The following GABRB1 variants were observed in gnomAD, a reference collection of about 807,000 sequenced individuals.
GABRB1 encodes gamma-aminobutyric acid type A receptor subunit beta1.
Under a neutral mutation model 51.6 loss-of-function variants are expected in GABRB1, and 17 were observed. The observed-to-expected ratio is 0.33, with a 90% CI of 0.23 to 0.49. The LOEUF (loss-of-function observed/expected upper bound fraction) is 0.49. Among genes scored for constraint, GABRB1 ranks in the 20% least tolerant of loss-of-function variants. The pLI is 0.99. For missense variants in GABRB1, 410 were observed against 600.6 expected, an observed-to-expected ratio of 0.68 and a Z score of 3.32; for synonymous variants, 247 against 218.9, an observed-to-expected ratio of 1.13 and a Z score of -1.14.
chr4:47,174,819 A>G (rs1004086002), intron 4 of GABRB1, among the ~76,000 whole-genome samples: 8 of 152,032 alleles, frequency 5.3e-5, no homozygotes, highest in Non-Finnish European at 1.0e-4. Context: ...TTCAGTTGTC[A>G]GTTGTCAGTG....
intron 4 of GABRB1, among the ~76,000 whole-genome samples, chr4:47,290,487 C>G (rs930040970): frequency 8.5e-5 from 13 of 152,130 alleles, no homozygotes; most frequent in Non-Finnish European, 1.8e-4. Context: ...AAAATACACT[C>G]GAAAATGTGG....
At chr4:47,019,003 T>C (rs552679503) in intron 1 of GABRB1, among the ~76,000 whole-genome samples, 2 of 152,214 alleles carry the variant, frequency 1.3e-5, no homozygotes, top group Non-Finnish European at 2.9e-5. Context: ...TTTTAAGAAA[T>C]GTATTTTCTC....
intron 5 of GABRB1, among the ~76,000 whole-genome samples, chr4:47,392,565 T>C (rs1728037152): frequency 6.6e-6 from 1 of 152,106 alleles, no homozygotes; most frequent in Non-Finnish European, 1.5e-5. Flanking sequence ...ATGGTCTTCA[T>C]CTGTTGACCT....
chr4:47,351,641 T>C (rs1368944480), intron 5 of GABRB1, among the ~76,000 whole-genome samples: 1 of 147,314 alleles, frequency 6.8e-6, no homozygotes, highest in Non-Finnish European at 1.5e-5. Context: ...TTCCCATCTA[T>C]GAGTGAGAAC....
At chr4:47,405,087 T>C (rs926611321) in intron 7 of GABRB1, among the ~76,000 whole-genome samples, 2 of 152,214 alleles carry the variant, frequency 1.3e-5, no homozygotes, top group South Asian at 2.1e-4. Flanking sequence ...AATTGGTGAA[T>C]TTATAAGTGA....
intron 3 of GABRB1, among the ~76,000 whole-genome samples, chr4:47,097,022 G>A (rs1714473774): frequency 6.6e-6 from 1 of 152,138 alleles, no homozygotes; most frequent in African/African-American, 2.4e-5. Context: ...CCACAGTTGG[G>A]TCTACTTTCT....
In GABRB1 at chr4:47,320,112, T is replaced by A. The variant is rs774594228; in HGVS notation, c.462-15T>A. The A allele has an allele frequency of 2.6e-5, 39 of 1,528,548 alleles. No individual in the cohort carries two copies. Among genetic ancestry groups the A allele is most frequent in the Non-Finnish European group, 3.3e-5 (36 of 1,101,982 alleles). The allele number at this position is 1,528,548 out of a possible 1,614,324, so 94.7% of individuals were successfully genotyped here. ...CTTTTGTAATGTTTTCTTTTTTCTC[T>A]CTCCTCTCTATCAGAATCACAACCA... On this transcript the variant is annotated splice_polypyrimidine_tract_variant and intron_variant, in intron 4 of 8. Transcript: ENST00000295454.
At chr4:47,202,988 G>A (rs1475248462) in intron 4 of GABRB1, among the ~76,000 whole-genome samples, 1 of 152,112 alleles carries the variant, frequency 6.6e-6, no homozygotes, top group Non-Finnish European at 1.5e-5. Flanking sequence ...GGAACAGCAA[G>A]GCTTGGAACG....
intron 3 of GABRB1, among the ~76,000 whole-genome samples, chr4:47,132,446 G>A (rs1716467032): frequency 7.1e-6 from 1 of 141,304 alleles, no homozygotes; most frequent in Non-Finnish European, 1.6e-5. Context: ...GGTTTGGTTT[G>A]GATTGCATCA....
At chr4:47,366,545 A>G (rs1726990803) in intron 5 of GABRB1, among the ~76,000 whole-genome samples, 1 of 152,206 alleles carries the variant, frequency 6.6e-6, no homozygotes, top group Non-Finnish European at 1.5e-5. Flanking sequence ...TTTGAGATCC[A>G]CAATCTGGCT....
rs540780444 is a variant in GABRB1 at position 47,278,321 on chromosome 4, G to A, written c.462-41806G>A. On this transcript the variant is annotated intron_variant, in intron 4 of 8. Transcript: ENST00000295454. ...GTCAAGTAACTATTTTGCCAATTAC[G>A]TTACAATGGTATTGACCAAACACAG... is the stretch of plus-strand genomic sequence containing the variant. Among the ~76,000 whole-genome samples, 12 of 152,056 alleles carry A rather than the reference G, an allele frequency of 7.9e-5. No individual in the cohort carries two copies. The South Asian group carries it at 1.5e-3, about 18-fold the overall frequency.
chr4:47,313,032 T>A lies in GABRB1; in HGVS notation c.462-7095T>A, dbSNP rs181755796. 2.5e-4 allele frequency among the ~76,000 whole-genome samples: 38 copies of A among 152,280 alleles called. No homozygotes were observed. In the Middle Eastern group the frequency reaches 0.01, roughly 41 times the overall value. ...TGCATCATTAACCTTAATAAATGAA[T>A]ACTACAGTGACATGATTTCTGTTCA... On this transcript the variant is annotated intron_variant, in intron 4 of 8. Transcript: ENST00000295454.
At chr4:47,411,432 T>C (rs13140519) in intron 8 of GABRB1, among the ~76,000 whole-genome samples, 96,108 of 152,032 alleles carry the variant, frequency 0.63, 32,250 homozygotes, top group African/African-American at 0.86. Flanking sequence ...ATTGATATAA[T>C]ACTCTTGAAA....
intron 4 of GABRB1, among the ~76,000 whole-genome samples, chr4:47,184,119 G>A (rs1012454814): frequency 2.6e-5 from 4 of 151,824 alleles, no homozygotes; most frequent in Non-Finnish European, 5.9e-5. Flanking sequence ...GACCACACCT[G>A]GTCACTCTAA....
At chr4:47,145,208 G>C (rs373449456) in intron 3 of GABRB1, among the ~76,000 whole-genome samples, 56 of 152,118 alleles carry the variant, frequency 3.7e-4, no homozygotes, top group African/African-American at 1.2e-3. Flanking sequence ...GGTTGAGCTA[G>C]ATTATTGAAA....
At chr4:47,225,853 T>A (rs888762763) in intron 4 of GABRB1, among the ~76,000 whole-genome samples, 1 of 152,130 alleles carries the variant, frequency 6.6e-6, no homozygotes, top group African/African-American at 2.4e-5. Context: ...AGTAAATGCA[T>A]GCGTAGTGGA....
At chr4:47,202,251 T>C (rs1040961857) in intron 4 of GABRB1, among the ~76,000 whole-genome samples, 2 of 152,170 alleles carry the variant, frequency 1.3e-5, no homozygotes, top group Admixed American at 1.3e-4. Context: ...TCAGCGCTTC[T>C]CCATCCTGCC....
intron 1 of GABRB1, among the ~76,000 whole-genome samples, chr4:47,014,608 C>A (rs1423945543): frequency 6.6e-6 from 1 of 152,160 alleles, no homozygotes; most frequent in Non-Finnish European, 1.5e-5. Context: ...TAATTTAACT[C>A]TGACACTATT....
intron 4 of GABRB1, among the ~76,000 whole-genome samples, chr4:47,279,909 G>A (rs954369338): frequency 4.0e-5 from 6 of 150,446 alleles, no homozygotes; most frequent in African/African-American, 1.5e-4. Context: ...TGTAGGCAGC[G>A]TATATTTGGG....
Sources: gnomAD v4.1 joint callset for allele counts (sites outside exome capture counted in the v4.1 genomes callset) on GRCh38, gnomAD v4.1.1 for gene constraint, MANE v1.5 for transcripts, NCBI Gene and HGNC (gene_info 2026-07-23, HGNC 2026-07-21) for gene names.